DENND6A: variants seen among roughly 807,000 people sequenced by gnomAD.
DENND6A encodes the protein DENN domain containing 6A, also known as protein DENND6A.
Under a neutral mutation model 95.5 loss-of-function variants are expected in DENND6A, and 43 were observed. The observed-to-expected ratio is 0.45, with a 90% confidence interval of 0.35 to 0.58. The LOEUF (loss-of-function observed/expected upper bound fraction) is 0.58. DENND6A is among the 20% of genes least tolerant of loss of function. The pLI is 0.00. For synonymous variants in DENND6A, 257 were observed against 260.4 expected (o/e 0.99, Z 0.13); for missense variants, 574 against 736.0 (o/e 0.78, Z 2.55).
chr3:57,676,682 T>C (rs1330552297), intron 1 of DENND6A, among the ~76,000 whole-genome samples: 1 of 151,978 alleles, frequency 6.6e-6, no homozygotes, highest in Non-Finnish European at 1.5e-5. Flanking sequence ...TAAAGAAAAA[T>C]ATTAATAGTA....
At chr3:57,646,240 C>A in intron 10 of DENND6A, 76 bp downstream of exon 10, 1 of 1,532,336 alleles carries the variant, frequency 6.5e-7, no homozygotes, top group Non-Finnish European at 8.8e-7. Flanking sequence ...GTGGGAAGTG[C>A]TGCAAATATC....
intron 1 of DENND6A, among the ~76,000 whole-genome samples, chr3:57,685,993 A>G (rs2077208615): frequency 6.6e-6 from 1 of 152,230 alleles, no homozygotes; most frequent in African/African-American, 2.4e-5. Context: ...AAACATGCCT[A>G]CACATAATGA....
At position 57,637,682 on chromosome 3, in the gene DENND6A, C is replaced by T. The variant is rs533060894; in HGVS notation, c.1133-2913G>A. On this transcript the variant is annotated intron_variant, in intron 12 of 19. Transcript: ENST00000311128. ...CAGAAAAATACTCCAAGATATAAAC[C>T]ACTCATAAATTAAAAGATATATGAG... Among the ~76,000 whole-genome samples the T allele has an allele frequency of 1.9e-3, 290 of 149,116 alleles. 1 individual carries two copies. The highest frequency in any genetic ancestry group is 6.9e-3 in the African/African-American group (279 of 40,458).
intron 9 of DENND6A, among the ~76,000 whole-genome samples, chr3:57,650,785 ATT>A (rs55772491): frequency 5.6e-5 from 8 of 143,004 alleles, no homozygotes; most frequent in African/African-American, 7.7e-5. Flanking sequence ...TCCACATGGA[ATT>A]TTTTTTTTTT....
intron 5 of DENND6A, among the ~76,000 whole-genome samples, chr3:57,662,302 G>A (rs2071438831): frequency 1.4e-5 from 2 of 140,984 alleles, no homozygotes; most frequent in South Asian, 2.4e-4. Flanking sequence ...GTGATCCTCC[G>A]ACCTCAGCCT....
chr3:57,645,839 G>T (rs560182273), intron 10 of DENND6A, 83 bp from the exon 11 acceptor site: 86 of 949,520 alleles, frequency 9.1e-5, no homozygotes, highest in Non-Finnish European at 1.2e-4. Flanking sequence ...CTATACAAAC[G>T]GTATACACAC....
chr3:57,630,515 A>C lies in DENND6A; in HGVS notation c.1526T>G (p.Leu509Arg). The C allele has an allele frequency of 6.3e-7, 1 of 1,587,720 alleles. No homozygotes were observed. The highest frequency in any genetic ancestry group is 1.4e-5 in the African/African-American group (1 of 73,038). The change falls in exon 18 of 20, where the codon CTA (leucine) becomes CGA (arginine). Residue 509 changes from leucine to arginine, a missense_variant. By Grantham distance (102) the Leu-to-Arg change is moderately radical. Around this residue, in one of 2 missense-constraint regions of DENND6A, gnomAD observed 452 missense variants for 630.9 expected, o/e 0.72. Coordinates refer to ENST00000311128, the MANE Select transcript of DENND6A (RefSeq NM_152678.3). ...GDWIGLYRHF[L>R]KSPNFDGWFK... ...CCAGCCATCAAAATTTGGAGACTTTAGGAAATGCCTATAAAAATACATTTT... is the reference window on the plus strand; with the variant it reads ...CCAGCCATCAAAATTTGGAGACTTTCGGAAATGCCTATAAAAATACATTTT...
chr3:57,668,642 A>AATCT (rs1443013367), intron 3 of DENND6A, among the ~76,000 whole-genome samples: 2 of 152,200 alleles, frequency 1.3e-5, no homozygotes, highest in Admixed American at 6.5e-5. Context: ...AAGTCAGGAG[A>AATCT]ATCTAAGGTG....
At chr3:57,642,405 T>G (rs2070965738) in intron 11 of DENND6A, among the ~76,000 whole-genome samples, 1 of 151,406 alleles carries the variant, frequency 6.6e-6, no homozygotes, top group African/African-American at 2.4e-5. Flanking sequence ...GGAGGTAATA[T>G]TTACAGGAAG....
intron 1 of DENND6A, among the ~76,000 whole-genome samples, chr3:57,675,621 G>A (rs938235964): frequency 1.4e-4 from 21 of 152,112 alleles, no homozygotes; most frequent in Admixed American, 1.4e-3. Flanking sequence ...ACCACCTTCT[G>A]ATGAAACTCC....
chr3:57,656,594 CTT>C (rs11302760), intron 9 of DENND6A, among the ~76,000 whole-genome samples: 22 of 148,640 alleles, frequency 1.5e-4, no homozygotes, highest in Middle Eastern at 3.5e-3. Context: ...ACTAACCAAT[CTT>C]TTTTTTTTTT....
chr3:57,680,023 G>A (rs933262409), intron 1 of DENND6A, among the ~76,000 whole-genome samples: 13 of 152,284 alleles, frequency 8.5e-5, no homozygotes, highest in African/African-American at 2.6e-4. Flanking sequence ...TGGACTGTAT[G>A]TTCTTTGAAG....
chr3:57,689,407 G>A (rs1024677345), intron 1 of DENND6A, among the ~76,000 whole-genome samples: 26 of 152,088 alleles, frequency 1.7e-4, no homozygotes, highest in Admixed American at 1.7e-3. Flanking sequence ...CTAAAAGTGA[G>A]GTACAGTATA....
At chr3:57,655,584 A>G (rs1010501168) in intron 9 of DENND6A, among the ~76,000 whole-genome samples, 5 of 152,216 alleles carry the variant, frequency 3.3e-5, no homozygotes, top group Admixed American at 6.5e-5. Flanking sequence ...CAAAGTCAAA[A>G]TGCAATCAAA....
Position 57,628,049 on chromosome 3 carries a change from A to G in DENND6A, c.*165T>C. On this transcript the variant is annotated 3_prime_UTR_variant, in exon 20 of 20. Transcript: ENST00000311128. ...AGATATCCACTTTAAAAAGTAATGC[A>G]CTAAAAAGGTCTGTTTATACAATAC... 1 of 897,500 alleles carries G rather than the reference A, an allele frequency of 1.1e-6. No individual in the cohort carries two copies. The highest frequency in any genetic ancestry group is 1.6e-6 in the Non-Finnish European group (1 of 624,796). The allele number at this position is 897,500 out of a possible 1,614,324, so 55.6% of individuals were successfully genotyped here.
intron 1 of DENND6A, among the ~76,000 whole-genome samples, chr3:57,684,757 T>G (rs986421403): frequency 6.6e-6 from 1 of 152,176 alleles, no homozygotes; most frequent in African/African-American, 2.4e-5. Flanking sequence ...AGCATGACCC[T>G]GTCTCAAATA....
At chr3:57,681,574 T>C (rs1033833748) in intron 1 of DENND6A, among the ~76,000 whole-genome samples, 1 of 144,862 alleles carries the variant, frequency 6.9e-6, no homozygotes, top group African/African-American at 2.6e-5. Flanking sequence ...CAGTGAGCTA[T>C]GATCATGCCA....
chr3:57,630,601 A>C (rs957546851), intron 17 of DENND6A, 78 bp from the exon 18 acceptor site: 14 of 1,520,662 alleles, frequency 9.2e-6, no homozygotes, highest in Non-Finnish European at 1.2e-5. Flanking sequence ...TAGTCAGAGA[A>C]CCATGTCAAA....
intron 1 of DENND6A, among the ~76,000 whole-genome samples, chr3:57,683,035 T>A (rs1386953337): frequency 6.6e-6 from 1 of 152,216 alleles, no homozygotes; most frequent in Non-Finnish European, 1.5e-5. Context: ...GATTCTCATG[T>A]CTTCATCTAC....
Sources: allele counts gnomAD v4.1 joint callset (sites outside exome capture counted in the v4.1 genomes callset), GRCh38; gene constraint gnomAD v4.1.1; regional missense constraint gnomAD v4.1.1; transcripts MANE v1.5; gene names NCBI Gene and HGNC (gene_info 2026-07-23, HGNC 2026-07-21).